The following RIMKLB variants were observed in gnomAD, a reference collection of about 807,000 sequenced individuals.
The protein encoded by RIMKLB is ribosomal modification protein rimK like family member B, also known as beta-citrylglutamate synthase B.
A neutral mutation model predicts 32.0 loss-of-function variants in RIMKLB; 7 were observed. The ratio of observed to expected loss-of-function variants is 0.22; its 90% CI spans 0.12 to 0.41. The LOEUF is 0.41. Among genes scored for constraint, RIMKLB ranks in the 10% least tolerant of loss-of-function variants. The probability of loss-of-function intolerance (pLI) is 1.00; values close to 1 mark genes in which losing one functional copy is unlikely to be tolerated. For missense variants in RIMKLB, 289 were observed against 498.7 expected (o/e 0.58, Z 4.00); for synonymous variants, 172 against 185.1 (o/e 0.93, Z 0.57).
At chr12:8,669,770 G>A in the RIMKLB span, among the ~76,000 whole-genome samples, 1 of 152,072 alleles carries the variant, frequency 6.6e-6, no homozygotes, top group South Asian at 2.1e-4. Context: ...GCTCATGCCT[G>A]TAATCCCAGC....
chr12:8,675,559 G>A, the RIMKLB span, among the ~76,000 whole-genome samples: 2 of 152,232 alleles, frequency 1.3e-5, no homozygotes, highest in East Asian at 3.9e-4. Flanking sequence ...AATCAAAAGG[G>A]TCAAGATCTA....
intron 5 of RIMKLB, among the ~76,000 whole-genome samples, chr12:8,771,620 C>T (rs1285942563): frequency 6.6e-6 from 1 of 152,110 alleles, no homozygotes; most frequent in Non-Finnish European, 1.5e-5. Flanking sequence ...AGTTTAATGT[C>T]CAAATCTACT....
intron 1 of RIMKLB, among the ~76,000 whole-genome samples, chr12:8,690,439 A>G (rs1189352439): frequency 6.6e-6 from 1 of 152,206 alleles, no homozygotes; most frequent in Non-Finnish European, 1.5e-5. Flanking sequence ...AAACTTTACT[A>G]AGAAGTGGGG....
At chr12:8,717,933 G>A (rs912772925) in intron 2 of RIMKLB, among the ~76,000 whole-genome samples, 3 of 152,046 alleles carry the variant, frequency 2.0e-5, no homozygotes, top group Non-Finnish European at 4.4e-5. Flanking sequence ...TTAAAATAAC[G>A]AATAATGTAC....
chr12:8,772,907 T>C (rs1439680941), intron 5 of RIMKLB, among the ~76,000 whole-genome samples: 1 of 152,206 alleles, frequency 6.6e-6, no homozygotes, highest in South Asian at 2.1e-4. Context: ...GTGGGGGCTA[T>C]AGAGGAAGAA....
intron 2 of RIMKLB, among the ~76,000 whole-genome samples, chr12:8,733,724 AAAG>A (rs1177239923): frequency 1.3e-5 from 2 of 152,166 alleles, no homozygotes; most frequent in Non-Finnish European, 2.9e-5. Flanking sequence ...AATAAAATAA[AAAG>A]AAGAAATTAG....
chr12:8,672,215 C>A, the RIMKLB span, among the ~76,000 whole-genome samples: 1 of 152,320 alleles, frequency 6.6e-6, no homozygotes, highest in Admixed American at 6.5e-5. Flanking sequence ...TTCAACAAGT[C>A]TCTAGGAAGT....
rs143315681 is a variant in RIMKLB at position 8,691,155 on chromosome 12, C to T, written n.219+9337C>T. On this transcript the variant is annotated intron_variant and non_coding_transcript_variant, in intron 1 of 1. Transcript: ENST00000538758. The stretch of plus-strand genomic sequence containing the variant: ...CCCAGAAAAGTTCTGCGAAACAATA[C>T]GAAAGATGGGAACCTGTATGAGTGC... 1.1e-4 allele frequency among the ~76,000 whole-genome samples: 16 copies of T among 152,152 alleles called. 1 individual carries two copies. The East Asian group carries it at 1.5e-3, about 15-fold the overall frequency.
chr12:8,686,145 T>C (rs1484554404), intron 1 of RIMKLB, among the ~76,000 whole-genome samples: 1 of 152,154 alleles, frequency 6.6e-6, no homozygotes, highest in African/African-American at 2.4e-5. Flanking sequence ...TTTCACCATG[T>C]TGGCTAGGCT....
At chr12:8,692,135 C>G (rs1942751272) in intron 1 of RIMKLB, among the ~76,000 whole-genome samples, 3 of 152,022 alleles carry the variant, frequency 2.0e-5, no homozygotes, top group Non-Finnish European at 4.4e-5. Flanking sequence ...CTTCTAAGAT[C>G]CTCCCAAAGA....
chr12:8,684,850 T>C (rs774762437), intron 1 of RIMKLB, among the ~76,000 whole-genome samples: 1 of 152,326 alleles, frequency 6.6e-6, no homozygotes, highest in Non-Finnish European at 1.5e-5. Context: ...CTTGAACTCC[T>C]GAGCTCAGGC....
Position 8,775,362 on chromosome 12 carries a change from A to G in RIMKLB, c.*1578A>G, listed in dbSNP as rs1196774926. 1 of 985,268 alleles carries G rather than the reference A, an allele frequency of 1.0e-6. No individual in the cohort carries two copies. The highest frequency in any genetic ancestry group is 1.2e-6 in the Non-Finnish European group (1 of 829,854). The allele number at this position is 985,268 out of a possible 1,614,324, so 61.0% of individuals were successfully genotyped here. A position where few individuals can be genotyped will look rare whatever the true frequency, so the allele number is the denominator to read the frequency against. The stretch of plus-strand genomic sequence containing the variant: ...TAAAAGCCCCCAAACTGCATATAAT[A>G]TGAGCCTTTAAAACATGGGTAAAAC... On this transcript the variant is annotated 3_prime_UTR_variant, in exon 6 of 6. Coordinates refer to ENST00000535829, the MANE Select transcript of RIMKLB (RefSeq NM_001297776.2).
At chr12:8,705,610 G>T (rs1334634936) in intron 1 of RIMKLB, among the ~76,000 whole-genome samples, 1 of 152,160 alleles carries the variant, frequency 6.6e-6, no homozygotes, top group Admixed American at 6.5e-5. Flanking sequence ...CCTTAATAAG[G>T]ATAGGTATAT....
At chr12:8,765,275 A>C (rs1162455791) in intron 5 of RIMKLB, among the ~76,000 whole-genome samples, 4 of 152,066 alleles carry the variant, frequency 2.6e-5, no homozygotes, top group Non-Finnish European at 5.9e-5. Context: ...TCCTTCTAGC[A>C]CGCAAGTTAG....
the RIMKLB span, among the ~76,000 whole-genome samples, chr12:8,674,237 TTC>T: frequency 9.3e-5 from 13 of 139,958 alleles, 1 homozygote; most frequent in East Asian, 2.6e-3. Context: ...TTTTTTTTTT[TTC>T]CTTTTTTTTT....
At position 8,774,019 on chromosome 12, in the gene RIMKLB, C is replaced by CT; in HGVS notation, c.*236dup. ...AGGTGGGGTATAGAAAAATGTCAGG[C>CT]TCTCATAGTTACCCTTTTAAATTGC... On this transcript the variant is annotated 3_prime_UTR_variant, in exon 6 of 6. Coordinates refer to ENST00000535829, the MANE Select transcript of RIMKLB (RefSeq NM_001297776.2). 7.6e-7 allele frequency: 1 copy of CT among 1,322,870 alleles called. No individual in the cohort carries two copies. The allele number at this position is 1,322,870 out of a possible 1,614,324, so 81.9% of individuals were successfully genotyped here. A position where few individuals can be genotyped will look rare whatever the true frequency, so the allele number is the denominator to read the frequency against.
intron 5 of RIMKLB, among the ~76,000 whole-genome samples, chr12:8,766,764 CCT>C (rs1950002287): frequency 1.3e-5 from 2 of 152,162 alleles, no homozygotes; most frequent in African/African-American, 4.8e-5. Flanking sequence ...ATTTAAATCC[CCT>C]GTTAGGAAAT....
At chr12:8,712,404 C>A (rs1234418767) in intron 1 of RIMKLB, among the ~76,000 whole-genome samples, 1 of 152,058 alleles carries the variant, frequency 6.6e-6, no homozygotes, top group South Asian at 2.1e-4. Flanking sequence ...AAGAGTGAAA[C>A]TCTATCTCAA....
intron 1 of RIMKLB, among the ~76,000 whole-genome samples, chr12:8,711,885 C>T (rs1385497571): frequency 6.6e-6 from 1 of 152,128 alleles, no homozygotes; most frequent in African/African-American, 2.4e-5. Context: ...ACACTGTGGC[C>T]TTCCCTATGA....
Sources: gnomAD v4.1 joint callset for allele counts (sites outside exome capture counted in the v4.1 genomes callset) on GRCh38, gnomAD v4.1.1 for gene constraint, MANE v1.5 for transcripts, NCBI Gene and HGNC (gene_info 2026-07-23, HGNC 2026-07-21) for gene names.